CSMD3: variants seen among roughly 807,000 people sequenced by gnomAD.
The protein encoded by CSMD3 is CUB and sushi domain-containing protein 3.
A neutral mutation model predicts 435.2 loss-of-function variants in CSMD3; 177 were observed. That is an observed-to-expected ratio of 0.41 (90% CI 0.36 to 0.46). The LOEUF (loss-of-function observed/expected upper bound fraction) is 0.46. Among genes scored for constraint, CSMD3 ranks in the 20% least tolerant of loss-of-function variants. The probability of loss-of-function intolerance (pLI) is 0.34; values close to 1 mark genes in which losing one functional copy is unlikely to be tolerated. For synonymous variants in CSMD3, 1,656 were observed against 1,520.5 expected (o/e 1.09, Z -2.07); for missense variants, 4,265 against 4,504.6 (o/e 0.95, Z 1.52).
chr8:112,492,620 T>A lies in CSMD3; in HGVS notation c.5147A>T (p.Asp1716Val), dbSNP rs2130853897. The A allele has an allele frequency of 6.2e-7, 1 of 1,613,832 alleles. No homozygotes were observed. The highest frequency in any genetic ancestry group is 8.5e-7 in the Non-Finnish European group (1 of 1,179,782). Residue 1716 changes from aspartate to valine, a missense_variant, in exon 31 of 71, where the codon GAT becomes GTT. By Grantham distance (152) the Asp-to-Val change is radical. Transcript: ENST00000297405. The stretch of plus-strand genomic sequence containing the variant: ...GGTGACTGTTGACCCTAATTTATAA[T>A]CCATTCCAAGTCTGGTGCCATTCAT... ...NIMNGTRLGM[D>V]YKLGSTVTYY... is the part of the protein sequence containing the mutation.
chr8:112,594,124 G>C (rs1241055450), intron 22 of CSMD3, among the ~76,000 whole-genome samples: 1 of 152,128 alleles, frequency 6.6e-6, no homozygotes, highest in Admixed American at 6.5e-5. Context: ...ATCTCACTAG[G>C]GAGTGCCAGA....
intron 3 of CSMD3, among the ~76,000 whole-genome samples, chr8:113,263,327 A>T (rs1173697066): frequency 6.6e-6 from 1 of 152,034 alleles, no homozygotes; most frequent in Admixed American, 6.6e-5. Flanking sequence ...AAATACCATC[A>T]TTACTGTAAT....
chr8:112,768,010 T>C (rs1320685432), intron 13 of CSMD3, among the ~76,000 whole-genome samples: 2 of 151,764 alleles, frequency 1.3e-5, no homozygotes, highest in African/African-American at 4.8e-5. Flanking sequence ...ATCTGCTGGG[T>C]AGGATATATT....
At chr8:113,402,054 G>T (rs2094512515) in intron 1 of CSMD3, among the ~76,000 whole-genome samples, 1 of 151,368 alleles carries the variant, frequency 6.6e-6, no homozygotes, top group African/African-American at 2.4e-5. Context: ...TTCCTGTAAA[G>T]GTTTTTACTA....
chr8:112,252,140 C>T (rs941872753), intron 63 of CSMD3, among the ~76,000 whole-genome samples: 1 of 151,732 alleles, frequency 6.6e-6, no homozygotes, highest in African/African-American at 2.4e-5. Context: ...CTTTCTCTTG[C>T]TCTTCCCAAA....
At chr8:113,365,492 G>A (rs576486576) in intron 1 of CSMD3, among the ~76,000 whole-genome samples, 2 of 152,042 alleles carry the variant, frequency 1.3e-5, no homozygotes, top group South Asian at 2.1e-4. Context: ...TGTAACTTTG[G>A]TCAGAATGAA....
At chr8:113,014,113 A>T (rs1221979983) in intron 6 of CSMD3, among the ~76,000 whole-genome samples, 1 of 152,082 alleles carries the variant, frequency 6.6e-6, no homozygotes, top group Non-Finnish European at 1.5e-5. Context: ...CCCAGCAGGC[A>T]TGTCGTGTCT....
intron 4 of CSMD3, among the ~76,000 whole-genome samples, chr8:113,163,327 A>C (rs2092081513): frequency 6.6e-6 from 1 of 152,050 alleles, no homozygotes; most frequent in Admixed American, 6.6e-5. Context: ...AAAAAATTTG[A>C]TGGAAGATAC....
chr8:112,740,669 A>G (rs2077285229), intron 13 of CSMD3, among the ~76,000 whole-genome samples: 1 of 151,930 alleles, frequency 6.6e-6, no homozygotes, highest in South Asian at 2.1e-4. Context: ...ATAGGAAGGT[A>G]GGGGTTACCC....
intron 1 of CSMD3, among the ~76,000 whole-genome samples, chr8:113,369,747 C>G (rs1588614472): frequency 6.6e-6 from 1 of 151,940 alleles, no homozygotes; most frequent in East Asian, 1.9e-4. Flanking sequence ...GAAATCCTAT[C>G]ATTTACAACA....
chr8:113,328,820 G>A (rs1478552551), intron 1 of CSMD3, among the ~76,000 whole-genome samples: 2 of 130,532 alleles, frequency 1.5e-5, no homozygotes, highest in Middle Eastern at 4.3e-3. Flanking sequence ...ACTCATGGCA[G>A]CCTCAACCTT....
intron 24 of CSMD3, among the ~76,000 whole-genome samples, chr8:112,558,146 CCTT>C (rs939354808): frequency 1.3e-5 from 2 of 151,854 alleles, no homozygotes; most frequent in Non-Finnish European, 2.9e-5. Context: ...GTCTCTCTGC[CCTT>C]CTTCTGCCCT....
chr8:113,323,417 T>C (rs1054472482), intron 1 of CSMD3, among the ~76,000 whole-genome samples: 1 of 152,186 alleles, frequency 6.6e-6, no homozygotes, highest in African/African-American at 2.4e-5. Context: ...GATTATCCAA[T>C]AATATAAACT....
intron 22 of CSMD3, among the ~76,000 whole-genome samples, chr8:112,596,382 T>C (rs1831719785): frequency 6.6e-6 from 1 of 151,800 alleles, no homozygotes; most frequent in Non-Finnish European, 1.5e-5. Flanking sequence ...CTGAGTGACC[T>C]ACAAAGAGAC....
intron 22 of CSMD3, among the ~76,000 whole-genome samples, chr8:112,610,945 A>C (rs1298201905): frequency 6.6e-6 from 1 of 152,214 alleles, no homozygotes; most frequent in Non-Finnish European, 1.5e-5. Context: ...AGTTGCATTG[A>C]AATGCATCAT....
chr8:112,553,498 G>A (rs919952014), intron 25 of CSMD3, among the ~76,000 whole-genome samples: 1 of 151,906 alleles, frequency 6.6e-6, no homozygotes, highest in African/African-American at 2.4e-5. Context: ...ATTGCTCTAC[G>A]TCTTTAAACC....
intron 9 of CSMD3, among the ~76,000 whole-genome samples, chr8:112,941,222 GTCC>G (rs2083441816): frequency 6.6e-6 from 1 of 151,798 alleles, no homozygotes; most frequent in South Asian, 2.1e-4. Context: ...GAACTAAGTA[GTCC>G]CAGAAAATCA....
chr8:112,359,579 A>C (rs1490581808), intron 38 of CSMD3, among the ~76,000 whole-genome samples: 1 of 152,162 alleles, frequency 6.6e-6, no homozygotes, highest in Admixed American at 6.6e-5. Flanking sequence ...AAAGCTATCT[A>C]ATAACACAAT....
In CSMD3 at chr8:112,311,177, GA is replaced by G. The variant is rs550809292; in HGVS notation, c.7697-12del. ...TACTACAGTAGAAAGCTTTTCAAAA[GA>G]AAAAAAAAATGCTGTTTAATTAATG... On this transcript the variant is annotated splice_polypyrimidine_tract_variant and intron_variant, in intron 49 of 70. Coordinates refer to ENST00000297405, the MANE Select transcript of CSMD3 (RefSeq NM_198123.2). 4,369 of 1,491,832 alleles carry G rather than the reference GA, an allele frequency of 2.9e-3. 19 individuals carry two copies. The highest frequency in any genetic ancestry group is 0.022 in the African/African-American group (1,582 of 70,436). 92.4% of individuals were successfully genotyped at this position (1,491,832 alleles called of 1,614,324 possible). A position where few individuals can be genotyped will look rare whatever the true frequency, so the allele number is the denominator to read the frequency against.
Sources: gnomAD v4.1 joint callset for allele counts (sites outside exome capture counted in the v4.1 genomes callset) on GRCh38, gnomAD v4.1.1 for gene constraint, MANE v1.5 for transcripts, NCBI Gene and HGNC (gene_info 2026-07-23, HGNC 2026-07-21) for gene names.